Variants in UBE2E3 observed in about 807,000 individuals in gnomAD.
The protein encoded by UBE2E3 is ubiquitin-conjugating enzyme E2 E3.
UBE2E3 carries 5 observed loss-of-function variants against 23.6 expected under a neutral mutation model. The ratio of observed to expected loss-of-function variants is 0.21; its 90% CI spans 0.11 to 0.44. UBE2E3 has a LOEUF of 0.44. Among genes scored for constraint, UBE2E3 ranks in the 20% least tolerant of loss-of-function variants. The pLI, the probability that UBE2E3 is intolerant of heterozygous loss-of-function variation, is 0.99. For synonymous variants in UBE2E3, 78 were observed against 87.5 expected, an observed-to-expected ratio of 0.89 and a Z score of 0.60; for missense variants, 81 against 249.8, an observed-to-expected ratio of 0.32 and a Z score of 4.55.
intron 3 of UBE2E3, among the ~76,000 whole-genome samples, chr2:181,054,487 T>C (rs1009367961): frequency 6.6e-6 from 1 of 151,860 alleles, no homozygotes; most frequent in Middle Eastern, 3.2e-3. Flanking sequence ...CCTAATGACA[T>C]GAGTTTGAAC....
At chr2:181,027,331 A>T (rs1031284699) in intron 3 of UBE2E3, among the ~76,000 whole-genome samples, 1 of 151,946 alleles carries the variant, frequency 6.6e-6, no homozygotes, top group African/African-American at 2.4e-5. Context: ...GCTTTTCTGT[A>T]TAAGAGACTT....
At chr2:181,020,442 A>T (rs920751565) in intron 3 of UBE2E3, among the ~76,000 whole-genome samples, 1 of 152,204 alleles carries the variant, frequency 6.6e-6, no homozygotes, top group African/African-American at 2.4e-5. Context: ...ATATGCTCAC[A>T]TTTTGAGATA....
At chr2:181,023,127 G>C (rs773518318) in intron 3 of UBE2E3, among the ~76,000 whole-genome samples, 1 of 152,152 alleles carries the variant, frequency 6.6e-6, no homozygotes, top group Non-Finnish European at 1.5e-5. Flanking sequence ...ACTTACAGTG[G>C]GGCCGCGCCC....
chr2:181,032,133 G>A (rs1006745581), intron 3 of UBE2E3, among the ~76,000 whole-genome samples: 2 of 152,120 alleles, frequency 1.3e-5, no homozygotes, highest in Non-Finnish European at 2.9e-5. Flanking sequence ...GTCTCCCTTT[G>A]AACAAATTTT....
intron 3 of UBE2E3, among the ~76,000 whole-genome samples, chr2:181,040,389 C>T (rs554382435): frequency 6.6e-6 from 1 of 152,176 alleles, no homozygotes; most frequent in South Asian, 2.1e-4. Context: ...TACTACAGTG[C>T]CTGGCTTATG....
chr2:181,024,567 GT>G (rs1470296534), intron 3 of UBE2E3, among the ~76,000 whole-genome samples: 4 of 151,994 alleles, frequency 2.6e-5, no homozygotes, highest in Admixed American at 2.0e-4. Context: ...TTTAATATAT[GT>G]GATTATTAAG....
chr2:181,017,417 G>A (rs560871140), intron 3 of UBE2E3, among the ~76,000 whole-genome samples: 95 of 152,068 alleles, frequency 6.2e-4, no homozygotes, highest in African/African-American at 2.3e-3. Flanking sequence ...GGCATGAGGG[G>A]GGTGGAAACC....
rs535800096 is a variant in UBE2E3, at chr2:181,034,320, A to C, written c.246-23373A>C. Among the ~76,000 whole-genome samples, 5 of 152,368 alleles carry C rather than the reference A, an allele frequency of 3.3e-5. No individual in the cohort carries two copies. The South Asian group carries it at 1.0e-3, about 32-fold the overall frequency. On this transcript the variant is annotated intron_variant, in intron 3 of 5. Transcript: ENST00000410062. The stretch of plus-strand genomic sequence containing the variant: ...AGACTGGATTAAGAAAATGTGGCAC[A>C]TATACACCATGGAATACTGTGCAGC...
At chr2:181,041,345 A>G (rs1686497919) in intron 3 of UBE2E3, among the ~76,000 whole-genome samples, 1 of 151,834 alleles carries the variant, frequency 6.6e-6, no homozygotes. Context: ...ACAGTAATAG[A>G]AGCTTAGAAC....
At chr2:181,054,873 G>T (rs1378431914) in intron 3 of UBE2E3, among the ~76,000 whole-genome samples, 1 of 151,744 alleles carries the variant, frequency 6.6e-6, no homozygotes, top group East Asian at 1.9e-4. Flanking sequence ...AAAGCTTAGG[G>T]TGATAAGGAA....
chr2:181,024,362 C>G (rs1685809829), intron 3 of UBE2E3, among the ~76,000 whole-genome samples: 1 of 152,026 alleles, frequency 6.6e-6, no homozygotes, highest in Non-Finnish European at 1.5e-5. Context: ...ATCCACTCAC[C>G]TTGTACAAAA....
At chr2:181,028,663 T>G (rs1685975825) in intron 3 of UBE2E3, among the ~76,000 whole-genome samples, 1 of 152,114 alleles carries the variant, frequency 6.6e-6, no homozygotes, top group African/African-American at 2.4e-5. Context: ...TGAACAATTT[T>G]TTTATGTTTA....
chr2:180,990,500 C>T (rs1358835512), intron 3 of UBE2E3, among the ~76,000 whole-genome samples: 1 of 152,206 alleles, frequency 6.6e-6, no homozygotes, highest in Non-Finnish European at 1.5e-5. Context: ...TTCTTCACTT[C>T]CTGCTACTTC....
chr2:181,030,905 A>T (rs546554826), intron 3 of UBE2E3, among the ~76,000 whole-genome samples: 3 of 152,156 alleles, frequency 2.0e-5, no homozygotes, highest in East Asian at 1.9e-4. Flanking sequence ...CCAAAAATTT[A>T]AAAAAAATTT....
chr2:180,993,593 C>G (rs1047091220), intron 3 of UBE2E3, among the ~76,000 whole-genome samples: 1 of 152,134 alleles, frequency 6.6e-6, no homozygotes, highest in Non-Finnish European at 1.5e-5. Flanking sequence ...TCATGATCCC[C>G]CTTTACATCC....
intron 3 of UBE2E3, among the ~76,000 whole-genome samples, chr2:181,052,195 A>G (rs1303915289): frequency 6.6e-6 from 1 of 151,894 alleles, no homozygotes; most frequent in African/African-American, 2.4e-5. Flanking sequence ...AATTACAATC[A>G]TTAAGGTGTA....
chr2:180,995,697 G>A (rs1187420902), intron 3 of UBE2E3, among the ~76,000 whole-genome samples: 1 of 148,366 alleles, frequency 6.7e-6, no homozygotes, highest in African/African-American at 2.5e-5. Context: ...TTTCTTGTAT[G>A]TTTGGGAGTT....
chr2:181,017,864 G>A (rs1251721526), intron 3 of UBE2E3, among the ~76,000 whole-genome samples: 1 of 150,754 alleles, frequency 6.6e-6, no homozygotes, highest in African/African-American at 2.5e-5. Context: ...GGGAGTGATT[G>A]ACGAGGGCCC....
At chr2:181,027,198 A>T (rs1459838249) in intron 3 of UBE2E3, among the ~76,000 whole-genome samples, 1 of 151,902 alleles carries the variant, frequency 6.6e-6, no homozygotes, top group African/African-American at 2.4e-5. Flanking sequence ...TGAATTTCGG[A>T]TTTGTAACGT....
Sources: gnomAD v4.1 joint callset for allele counts (sites outside exome capture counted in the v4.1 genomes callset) on GRCh38, gnomAD v4.1.1 for gene constraint, MANE v1.5 for transcripts, NCBI Gene and HGNC (gene_info 2026-07-23, HGNC 2026-07-21) for gene names.